The following CDK8 variants were observed in gnomAD, a reference collection of about 807,000 sequenced individuals.
CDK8 encodes cyclin-dependent kinase 8.
In CDK8, 29 loss-of-function variants were observed where a neutral mutation model predicts 71.5. The observed-to-expected ratio is 0.41, with a 90% CI of 0.30 to 0.55. CDK8 has a LOEUF of 0.55. CDK8 is among the 20% of genes least tolerant of loss of function. The pLI, the probability that CDK8 is intolerant of heterozygous loss-of-function variation, is 0.37. For synonymous variants in CDK8, 161 were observed against 192.1 expected (o/e 0.84, Z 1.34); for missense variants, 288 against 572.6 (o/e 0.50, Z 5.07).
At chr13:26,353,487 A>G (rs913522869) in intron 3 of CDK8, among the ~76,000 whole-genome samples, 1 of 152,176 alleles carries the variant, frequency 6.6e-6, no homozygotes, top group Non-Finnish European at 1.5e-5. Context: ...TAAAAATAAA[A>G]GCACAATATT....
intron 1 of CDK8, among the ~76,000 whole-genome samples, chr13:26,280,299 G>C (rs1434251806): frequency 6.6e-6 from 1 of 152,188 alleles, no homozygotes; most frequent in Non-Finnish European, 1.5e-5. Flanking sequence ...AAGTAACCTT[G>C]TGTGACTTTA....
intron 1 of CDK8, among the ~76,000 whole-genome samples, chr13:26,278,159 G>T (rs1289676119): frequency 1.3e-5 from 2 of 152,198 alleles, no homozygotes; most frequent in African/African-American, 2.4e-5. Context: ...TGGGTGACTT[G>T]TATGGTCCTG....
chr13:26,264,488 G>C (rs1232173555), intron 1 of CDK8, among the ~76,000 whole-genome samples: 1 of 151,890 alleles, frequency 6.6e-6, no homozygotes, highest in Non-Finnish European at 1.5e-5. Context: ...TAATTTATTT[G>C]GTAACTATTT....
At chr13:26,359,429 T>G (rs1460497679) in intron 4 of CDK8, 2 of 156,670 alleles carry the variant, frequency 1.3e-5, no homozygotes, top group Non-Finnish European at 2.8e-5. Context: ...AGGAAAAGTT[T>G]GAAGTCTGCT....
intron 6 of CDK8, among the ~76,000 whole-genome samples, chr13:26,389,229 C>A (rs925002886): frequency 1.3e-5 from 2 of 152,172 alleles, no homozygotes; most frequent in Non-Finnish European, 2.9e-5. Flanking sequence ...GTGGTGCAAT[C>A]TTGGCTCACT....
At chr13:26,395,058 G>GA (rs1422578041) in intron 7 of CDK8, among the ~76,000 whole-genome samples, 3 of 152,188 alleles carry the variant, frequency 2.0e-5, no homozygotes, top group African/African-American at 7.2e-5. Flanking sequence ...TTGGAGCAAG[G>GA]AAAATAGTTA....
At chr13:26,271,805 T>A (rs1203255151) in intron 1 of CDK8, among the ~76,000 whole-genome samples, 2 of 96,514 alleles carry the variant, frequency 2.1e-5, no homozygotes, top group Non-Finnish European at 4.0e-5. Context: ...TGAGACCCTG[T>A]CTTTTTTTTT....
At chr13:26,349,298 C>T (rs1873591490) in intron 3 of CDK8, 116 bp downstream of exon 3, 2 of 661,890 alleles carry the variant, frequency 3.0e-6, no homozygotes, top group Non-Finnish European at 5.3e-6. Context: ...AAAGTAACCT[C>T]ATAGAGTGTG....
intron 1 of CDK8, among the ~76,000 whole-genome samples, chr13:26,323,472 C>T (rs991744722): frequency 6.6e-6 from 1 of 152,066 alleles, no homozygotes; most frequent in Non-Finnish European, 1.5e-5. Flanking sequence ...AATTACCTCC[C>T]CAAGGCCCAT....
chr13:26,299,457 G>A (rs1169674412), intron 1 of CDK8, among the ~76,000 whole-genome samples: 1 of 152,146 alleles, frequency 6.6e-6, no homozygotes, highest in Non-Finnish European at 1.5e-5. Flanking sequence ...TGTGTACATG[G>A]TGCTGTCCTG....
rs139226447 is a variant in CDK8 at position 26,299,454 on chromosome 13, A to G, written c.129-38113A>G. 4.3e-3 allele frequency among the ~76,000 whole-genome samples: 651 copies of G among 152,294 alleles called. 2 individuals carry two copies. Among genetic ancestry groups the G allele is most frequent in the Non-Finnish European group, 6.8e-3 (463 of 68,022 alleles). On this transcript the variant is annotated intron_variant, in intron 1 of 12. Transcript: ENST00000381527. ...TAGGCTACAAACCTGTACTGTGTAC[A>G]TGGTGCTGTCCTGAATCTTGTAGGC...
chr13:26,297,868 G>A (rs793118), intron 1 of CDK8, among the ~76,000 whole-genome samples: 126,223 of 152,104 alleles, frequency 0.83, 54,041 homozygotes, highest in East Asian at 0.99. Flanking sequence ...AAAGAGATCA[G>A]GGTGCCAGCA....
chr13:26,350,671 G>T (rs1235960034), intron 3 of CDK8, among the ~76,000 whole-genome samples: 1 of 152,118 alleles, frequency 6.6e-6, no homozygotes, highest in African/African-American at 2.4e-5. Flanking sequence ...GATGTCAGGT[G>T]ATCTGCCCAC....
At position 26,349,089 on chromosome 13, in the gene CDK8, G is replaced by A. The variant is rs778940119; in HGVS notation, c.222G>A (p.Lys74=). 5.0e-5 allele frequency: 80 copies of A among 1,609,598 alleles called. No homozygotes were observed. In the Admixed American group the frequency reaches 1.3e-3, roughly 26 times the overall value. ...CREIALLREL[K]HPNVISLQKV... is the part of the protein sequence containing the mutation. ...TTTTGCAGTTACTTCGAGAGCTTAA[G>A]CATCCAAACGTCATTTCTCTTCAAA... The change falls in exon 3 of 13, where the codon AAG becomes AAA. Residue 74 remains lysine (K), a synonymous_variant. Coordinates refer to ENST00000381527, the MANE Select transcript of CDK8 (RefSeq NM_001260.3).
At chr13:26,304,576 C>G (rs933990526) in intron 1 of CDK8, among the ~76,000 whole-genome samples, 4 of 151,778 alleles carry the variant, frequency 2.6e-5, no homozygotes, top group Non-Finnish European at 5.9e-5. Context: ...ACCCTTTTTC[C>G]AAACTTCAAC....
chr13:26,271,968 C>T (rs1024765769), intron 1 of CDK8, among the ~76,000 whole-genome samples: 4 of 151,554 alleles, frequency 2.6e-5, no homozygotes, highest in Non-Finnish European at 5.9e-5. Flanking sequence ...CATTGCTTTA[C>T]ACCACTGTAG....
chr13:26,264,865 A>C (rs1441561912), intron 1 of CDK8, among the ~76,000 whole-genome samples: 2 of 152,170 alleles, frequency 1.3e-5, no homozygotes, highest in East Asian at 3.8e-4. Flanking sequence ...CACTTAACAT[A>C]AGGATCTCAA....
chr13:26,304,276 A>G (rs958775190), intron 1 of CDK8, among the ~76,000 whole-genome samples: 2 of 151,442 alleles, frequency 1.3e-5, no homozygotes, highest in African/African-American at 4.9e-5. Context: ...AAAAAAAAAG[A>G]AAAAAAAGAA....
chr13:26,337,735 AAGTT>A (rs1229457710), intron 2 of CDK8, 93 bp downstream of exon 2: 10 of 478,338 alleles, frequency 2.1e-5, no homozygotes, highest in East Asian at 3.4e-5. Flanking sequence ...TATTAATTGA[AAGTT>A]AGTGAATATT....
Sources: gnomAD v4.1 joint callset for allele counts (sites outside exome capture counted in the v4.1 genomes callset) on GRCh38, gnomAD v4.1.1 for gene constraint, MANE v1.5 for transcripts, NCBI Gene and HGNC (gene_info 2026-07-23, HGNC 2026-07-21) for gene names.